The following CHRM3 variants were observed in gnomAD, a reference collection of about 807,000 sequenced individuals.
CHRM3 encodes cholinergic receptor muscarinic 3.
Under a neutral mutation model 41.8 loss-of-function variants are expected in CHRM3, and 11 were observed. The ratio of observed to expected loss-of-function variants is 0.26; its 90% CI spans 0.17 to 0.44. The LOEUF (loss-of-function observed/expected upper bound fraction) is 0.44, where lower values mean the gene tolerates loss of function less well. CHRM3 is among the 20% of genes least tolerant of loss of function. The pLI, the probability that CHRM3 is intolerant of heterozygous loss-of-function variation, is 1.00. For missense variants in CHRM3, 571 were observed against 745.4 expected, an observed-to-expected ratio of 0.77 and a Z score of 2.72; for synonymous variants, 297 against 301.4, an observed-to-expected ratio of 0.99 and a Z score of 0.15.
intron 5 of CHRM3, among the ~76,000 whole-genome samples, chr1:239,750,157 C>A (rs1665690909): frequency 6.6e-6 from 1 of 152,180 alleles, no homozygotes; most frequent in South Asian, 2.1e-4. Flanking sequence ...TTCATCATTG[C>A]ACTTGTAACT....
At chr1:239,833,063 G>A (rs969860154) in intron 6 of CHRM3, among the ~76,000 whole-genome samples, 2 of 152,140 alleles carry the variant, frequency 1.3e-5, no homozygotes, top group Admixed American at 6.5e-5. Flanking sequence ...TGGACCCATT[G>A]TGCAGATTTC....
chr1:239,452,758 T>C (rs1664644365), intron 1 of CHRM3, among the ~76,000 whole-genome samples: 1 of 152,130 alleles, frequency 6.6e-6, no homozygotes, highest in South Asian at 2.1e-4. Context: ...TAAAACATAC[T>C]CTTTCTGTAT....
intron 4 of CHRM3, among the ~76,000 whole-genome samples, chr1:239,643,306 C>T (rs4465191): frequency 0.34 from 52,074 of 152,064 alleles, 9,217 homozygotes; most frequent in African/African-American, 0.41. Flanking sequence ...AGCTGTCAGA[C>T]AGGGACATTT....
chr1:239,544,924 C>T (rs1263060442), intron 2 of CHRM3, among the ~76,000 whole-genome samples: 1 of 152,162 alleles, frequency 6.6e-6, no homozygotes, highest in Non-Finnish European at 1.5e-5. Context: ...TAAAGCAGCA[C>T]GTTCTATAGA....
At position 239,613,618 on chromosome 1, in the gene CHRM3, G is replaced by A. The variant is rs568839033; in HGVS notation, c.-312-18606G>A. On this transcript the variant is annotated intron_variant, in intron 3 of 6. Coordinates refer to ENST00000676153, the MANE Select transcript of CHRM3 (RefSeq NM_001375978.1). ...GGGAGTGGAAGCAAAGGCTCCATAG[G>A]GTAAGTGCTTTGGGAGAAGTAAAAC... Among the ~76,000 whole-genome samples the A allele has an allele frequency of 3.9e-5, 6 of 152,164 alleles. No individual in the cohort carries two copies. The East Asian group carries it at 1.2e-3, about 29-fold the overall frequency.
chr1:239,522,919 A>G (rs1241857892), intron 2 of CHRM3, among the ~76,000 whole-genome samples: 1 of 152,100 alleles, frequency 6.6e-6, no homozygotes, highest in Non-Finnish European at 1.5e-5. Context: ...AGTGTATAGT[A>G]TTACTACTCA....
At chr1:239,593,939 A>G (rs1316427174) in intron 3 of CHRM3, among the ~76,000 whole-genome samples, 4 of 152,188 alleles carry the variant, frequency 2.6e-5, no homozygotes, top group Admixed American at 6.5e-5. Flanking sequence ...TTGTGCTCTT[A>G]GGCATTTTCC....
chr1:239,791,723 T>C (rs1167982685), intron 5 of CHRM3, among the ~76,000 whole-genome samples: 2 of 152,040 alleles, frequency 1.3e-5, no homozygotes, highest in African/African-American at 4.8e-5. Context: ...AAAGGGTTGG[T>C]GATATTTCAT....
At chr1:239,653,145 G>A (rs1672389837) in intron 4 of CHRM3, among the ~76,000 whole-genome samples, 1 of 152,114 alleles carries the variant, frequency 6.6e-6, no homozygotes, top group African/African-American at 2.4e-5. Context: ...AACACAACAT[G>A]GACAAGTGGG....
intron 2 of CHRM3, among the ~76,000 whole-genome samples, chr1:239,504,469 A>G (rs2148154176): frequency 6.6e-6 from 1 of 152,322 alleles, no homozygotes; most frequent in East Asian, 1.9e-4. Flanking sequence ...GCTGGTGGGA[A>G]TGTAAACTAG....
intron 5 of CHRM3, among the ~76,000 whole-genome samples, chr1:239,739,367 T>G (rs192088297): frequency 3.0e-4 from 46 of 152,310 alleles, no homozygotes; most frequent in Non-Finnish European, 4.1e-4. Flanking sequence ...TCCAAAAGTA[T>G]TTCTTTTCCA....
At chr1:239,508,881 AGAT>A (rs1353179207) in intron 2 of CHRM3, among the ~76,000 whole-genome samples, 4 of 152,202 alleles carry the variant, frequency 2.6e-5, no homozygotes, top group African/African-American at 7.2e-5. Flanking sequence ...GTGTATTGTG[AGAT>A]GATAACTTGG....
At chr1:239,495,984 A>G (rs887270200) in intron 2 of CHRM3, among the ~76,000 whole-genome samples, 14 of 152,130 alleles carry the variant, frequency 9.2e-5, no homozygotes, top group African/African-American at 3.4e-4. Flanking sequence ...GGCCAGAGGG[A>G]CCAGGAATTC....
At chr1:239,534,187 G>T (rs1657972970) in intron 2 of CHRM3, among the ~76,000 whole-genome samples, 1 of 152,116 alleles carries the variant, frequency 6.6e-6, no homozygotes, top group East Asian at 1.9e-4. Flanking sequence ...AATTAGCCAG[G>T]CCTGGTGGCA....
At chr1:239,449,228 C>T (rs1011764766) in intron 1 of CHRM3, among the ~76,000 whole-genome samples, 1 of 152,166 alleles carries the variant, frequency 6.6e-6, no homozygotes, top group Admixed American at 6.5e-5. Context: ...GGACTTATGA[C>T]AGCTCAATTT....
intron 2 of CHRM3, among the ~76,000 whole-genome samples, chr1:239,523,810 G>T (rs752795954): frequency 3.3e-5 from 5 of 152,282 alleles, no homozygotes; most frequent in Admixed American, 1.3e-4. Context: ...CAGTATGATG[G>T]CATCAAGTAA....
intron 6 of CHRM3, among the ~76,000 whole-genome samples, chr1:239,837,757 C>T (rs1360653435): frequency 2.6e-5 from 4 of 152,170 alleles, no homozygotes; most frequent in Non-Finnish European, 5.9e-5. Flanking sequence ...TCACCAATCT[C>T]CTGAAGAGAG....
chr1:239,404,413 A>AG (rs1558195775), intron 1 of CHRM3, among the ~76,000 whole-genome samples: 12 of 48,650 alleles, frequency 2.5e-4, no homozygotes, highest in African/African-American at 9.4e-4. Context: ...AGAAAGAAAA[A>AG]GAAAGAAAGA....
intron 5 of CHRM3, among the ~76,000 whole-genome samples, chr1:239,758,749 T>C (rs2148632457): frequency 6.6e-6 from 1 of 152,344 alleles, no homozygotes; most frequent in East Asian, 1.9e-4. Context: ...TTTTTCCCCC[T>C]TAGAAAAACT....
Sources: gnomAD v4.1 joint callset for allele counts (sites outside exome capture counted in the v4.1 genomes callset) on GRCh38, gnomAD v4.1.1 for gene constraint, MANE v1.5 for transcripts, NCBI Gene and HGNC (gene_info 2026-07-23, HGNC 2026-07-21) for gene names.